Variants in INTS4 observed in about 807,000 individuals in gnomAD.
The protein encoded by INTS4 is MSTP093.
Under a neutral mutation model 119.5 loss-of-function variants are expected in INTS4, and 70 were observed. That is an observed-to-expected ratio of 0.59 (90% CI 0.48 to 0.71). The LOEUF is 0.71. INTS4 is among the 30% of genes least tolerant of loss of function. The probability of loss-of-function intolerance (pLI) is 0.00; values close to 1 mark genes in which losing one functional copy is unlikely to be tolerated. For missense variants in INTS4, 867 were observed against 1,173.2 expected (o/e 0.74, Z 3.81); for synonymous variants, 316 against 419.6 (o/e 0.75, Z 3.02).
At chr11:77,956,394 C>G (rs10793265) in intron 7 of INTS4, among the ~76,000 whole-genome samples, 115,338 of 152,094 alleles carry the variant, frequency 0.76, 44,486 homozygotes, top group African/African-American at 0.9. Flanking sequence ...CTGGATGACA[C>G]AGCAAGACCC....
intron 4 of INTS4, among the ~76,000 whole-genome samples, chr11:77,961,384 G>C (rs557217339): frequency 8.5e-5 from 13 of 152,052 alleles, no homozygotes; most frequent in Middle Eastern, 3.4e-3. Context: ...CAATAGCTTT[G>C]GGAATACAAA....
At chr11:77,980,515 G>A (rs1267758357) in intron 3 of INTS4, among the ~76,000 whole-genome samples, 1 of 152,122 alleles carries the variant, frequency 6.6e-6, no homozygotes, top group Non-Finnish European at 1.5e-5. Flanking sequence ...AAGCAGCTGG[G>A]ATAAAGGTGT....
chr11:77,874,447 T>C (rs1446915861), downstream of INTS4, among the ~76,000 whole-genome samples: 2 of 151,772 alleles, frequency 1.3e-5, no homozygotes, highest in African/African-American at 2.4e-5. Context: ...GGTGTAATCA[T>C]TCTTCCTAAG....
intron 9 of INTS4, among the ~76,000 whole-genome samples, chr11:77,940,625 TTGG>T (rs1314843774): frequency 6.6e-6 from 1 of 152,030 alleles, no homozygotes; most frequent in East Asian, 1.9e-4. Context: ...CTGGGGTTTT[TTGG>T]TTGTTGTTTT....
intron 18 of INTS4, chr11:77,900,801 A>T (rs1347614120): frequency 3.4e-6 from 2 of 594,520 alleles, no homozygotes; most frequent in Non-Finnish European, 6.0e-6. Context: ...AGTTATCTGA[A>T]AGTCTTACAG....
At chr11:77,915,137 A>G in intron 15 of INTS4, 1 of 164,744 alleles carries the variant, frequency 6.1e-6, no homozygotes, top group Admixed American at 6.1e-5. Context: ...GAGTCCATTC[A>G]TTACGGTAAC....
At chr11:77,983,198 G>A (rs1395371096) in intron 2 of INTS4, among the ~76,000 whole-genome samples, 2 of 152,184 alleles carry the variant, frequency 1.3e-5, no homozygotes, top group African/African-American at 4.8e-5. Context: ...TGGGCATATA[G>A]TAAGCAGTCA....
rs766515218 is a variant in INTS4 at position 77,994,664 on chromosome 11, A to C, written c.-21T>G. 8.7e-6 allele frequency: 14 copies of C among 1,613,134 alleles called. No individual in the cohort carries two copies. The highest frequency in any genetic ancestry group is 1.2e-5 in the Non-Finnish European group (14 of 1,179,528). On this transcript the variant is annotated 5_prime_UTR_variant, in exon 1 of 23. Coordinates refer to ENST00000534064, the MANE Select transcript of INTS4 (RefSeq NM_033547.4). Reference sequence around the variant, plus strand: ...GCCATGCCTACCCGCGGGCCCTCTCAGCTTCCGTACACTAGGAGGGAGGCG... The same window carrying C: ...GCCATGCCTACCCGCGGGCCCTCTCCGCTTCCGTACACTAGGAGGGAGGCG...
At chr11:77,900,414 T>C (rs1344629031) in intron 18 of INTS4, among the ~76,000 whole-genome samples, 1 of 152,228 alleles carries the variant, frequency 6.6e-6, no homozygotes, top group Non-Finnish European at 1.5e-5. Flanking sequence ...TGAATATCTT[T>C]AAGATTAAAT....
intron 21 of INTS4, chr11:77,884,917 G>T: frequency 4.3e-6 from 1 of 233,124 alleles, no homozygotes; most frequent in South Asian, 4.8e-5. Context: ...ACCACGCCAG[G>T]TAATTTTCTT....
intron 8 of INTS4, among the ~76,000 whole-genome samples, chr11:77,944,444 A>G (rs1207520196): frequency 6.6e-6 from 1 of 152,192 alleles, no homozygotes; most frequent in African/African-American, 2.4e-5. Flanking sequence ...CTTTCTCTGC[A>G]TCGCTACCTA....
At chr11:77,884,184 G>GA (rs1354379285) in intron 21 of INTS4, among the ~76,000 whole-genome samples, 1 of 152,186 alleles carries the variant, frequency 6.6e-6, no homozygotes, top group African/African-American at 2.4e-5. Flanking sequence ...AATATGAACA[G>GA]AGTGTCTCTA....
chr11:77,878,101 A>G (rs984658397), downstream of INTS4, among the ~76,000 whole-genome samples: 38 of 152,160 alleles, frequency 2.5e-4, no homozygotes, highest in African/African-American at 8.2e-4. Flanking sequence ...GGTTGCTCAC[A>G]CTTGTAATCC....
chr11:77,890,348 C>A (rs1952208675), intron 21 of INTS4, among the ~76,000 whole-genome samples: 1 of 152,152 alleles, frequency 6.6e-6, no homozygotes, highest in Non-Finnish European at 1.5e-5. Flanking sequence ...GTCTTCTCTG[C>A]CTGTTCCAGC....
intron 18 of INTS4, among the ~76,000 whole-genome samples, chr11:77,899,946 C>T (rs1952704213): frequency 6.6e-6 from 1 of 151,730 alleles, no homozygotes; most frequent in African/African-American, 2.4e-5. Context: ...CTTCACTTAC[C>T]CTGTAATATT....
At chr11:77,876,156 T>C (rs1411703708), downstream of INTS4, among the ~76,000 whole-genome samples, 4 of 152,140 alleles carry the variant, frequency 2.6e-5, no homozygotes, top group East Asian at 7.7e-4. Flanking sequence ...TACTTTTGTA[T>C]GAGGGATGAG....
chr11:77,967,365 C>T (rs1356371156), intron 4 of INTS4, among the ~76,000 whole-genome samples: 1 of 152,082 alleles, frequency 6.6e-6, no homozygotes, highest in Non-Finnish European at 1.5e-5. Flanking sequence ...TGTCTTTAAG[C>T]CAGTTAAAGA....
At chr11:77,994,154 T>G (rs892146812) in intron 1 of INTS4, among the ~76,000 whole-genome samples, 1 of 152,060 alleles carries the variant, frequency 6.6e-6, no homozygotes, top group Non-Finnish European at 1.5e-5. Flanking sequence ...CTTGTGTATA[T>G]TCCAACTGGT....
At chr11:77,975,833 G>C (rs1855927019) in intron 4 of INTS4, among the ~76,000 whole-genome samples, 1 of 152,052 alleles carries the variant, frequency 6.6e-6, no homozygotes, top group Non-Finnish European at 1.5e-5. Context: ...GCACGCACCT[G>C]TAGTCCCAGC....
Sources: gnomAD v4.1 joint callset for allele counts (sites outside exome capture counted in the v4.1 genomes callset) on GRCh38, gnomAD v4.1.1 for gene constraint, MANE v1.5 for transcripts, NCBI Gene and HGNC (gene_info 2026-07-23, HGNC 2026-07-21) for gene names.